Variants in POLA1 observed in about 807,000 individuals in gnomAD.
POLA1 encodes the protein DNA polymerase alpha catalytic subunit.
Under a neutral mutation model 124.0 loss-of-function variants are expected in POLA1, and 15 were observed. That is an observed-to-expected ratio of 0.12 (90% CI 0.08 to 0.19). The LOEUF (loss-of-function observed/expected upper bound fraction) is 0.19, where lower values mean the gene tolerates loss of function less well. Ranked by LOEUF, POLA1 falls within the 10% of genes least tolerant of loss-of-function variation. POLA1 has a pLI of 1.00. For synonymous variants in POLA1, 408 were observed against 389.4 expected (o/e 1.05, Z -0.56); for missense variants, 886 against 1,103.4 (o/e 0.80, Z 2.79).
At chrX:24,796,255 T>C (rs1157840117) in intron 26 of POLA1, among the ~76,000 whole-genome samples, 3 of 111,405 alleles carry the variant, frequency 2.7e-5, no homozygotes, top group Non-Finnish European at 5.7e-5. Context: ...AGCCACAGCT[T>C]GTAGTTTTGG....
intron 36 of POLA1, among the ~76,000 whole-genome samples, chrX:24,963,888 G>A (rs2048194859): frequency 8.9e-6 from 1 of 111,823 alleles, no homozygotes; most frequent in Non-Finnish European, 1.9e-5. Context: ...TGGCAGCGTA[G>A]AAGTTGTTTT....
At chrX:24,733,867 A>AG (rs781782322) in intron 17 of POLA1, 51 bp downstream of exon 17, 6 of 681,208 alleles carry the variant, frequency 8.8e-6, no homozygotes, top group Non-Finnish European at 1.4e-5. Flanking sequence ...GAGAAAGAAA[A>AG]GGGGGGTGGT....
At chrX:24,949,929 T>C (rs2048013939) in intron 36 of POLA1, among the ~76,000 whole-genome samples, 1 of 109,517 alleles carries the variant, frequency 9.1e-6, no homozygotes, top group African/African-American at 3.3e-5. Context: ...AGACGGGGGA[T>C]CACCATGTTG....
In POLA1 at chrX:24,905,972, G is replaced by T. The variant is rs889336449; in HGVS notation, c.4164+17850G>T. The stretch of plus-strand genomic sequence containing the variant: ...CACAGTGAGACACCACCTTACTGCT[G>T]CAAGGATGGCCATAATTTAAAAGTC... On this transcript the variant is annotated intron_variant, in intron 35 of 36. Coordinates refer to ENST00000379068, the MANE Select transcript of POLA1 (RefSeq NM_001330360.2). 8.9e-5 allele frequency among the ~76,000 whole-genome samples: 10 copies of T among 112,260 alleles called. No homozygotes were observed. The Admixed American group carries it at 9.4e-4, about 11-fold the overall frequency.
intron 35 of POLA1, among the ~76,000 whole-genome samples, chrX:24,923,177 A>G (rs1382053037): frequency 9.0e-6 from 1 of 111,653 alleles, no homozygotes; most frequent in African/African-American, 3.3e-5. Context: ...TGTACATTCT[A>G]TATAATCTTC....
chrX:24,981,446 A>G (rs2048419181), intron 36 of POLA1, among the ~76,000 whole-genome samples: 1 of 112,422 alleles, frequency 8.9e-6, no homozygotes, highest in South Asian at 3.7e-4. Flanking sequence ...CAAAGCTCCC[A>G]ATGCCGTCAT....
At chrX:24,828,418 C>T (rs1330610329) in intron 32 of POLA1, among the ~76,000 whole-genome samples, 1 of 111,802 alleles carries the variant, frequency 8.9e-6, no homozygotes, top group Non-Finnish European at 1.9e-5. Context: ...ATCTTAACTA[C>T]TGTGCTAAAC....
intron 36 of POLA1, among the ~76,000 whole-genome samples, chrX:24,959,049 C>T (rs1477455417): frequency 2.7e-5 from 3 of 111,718 alleles, no homozygotes; most frequent in Non-Finnish European, 3.8e-5. Context: ...TTCCTTGTTC[C>T]CCACTAGCTG....
chrX:24,883,384 T>G (rs775349340), intron 34 of POLA1, among the ~76,000 whole-genome samples: 1 of 112,481 alleles, frequency 8.9e-6, no homozygotes, highest in East Asian at 2.8e-4. Context: ...GATTTCTGTG[T>G]GTATAGCCTT....
chrX:24,894,050 T>C (rs893819186), intron 35 of POLA1, among the ~76,000 whole-genome samples: 26 of 111,677 alleles, frequency 2.3e-4, no homozygotes, highest in African/African-American at 8.5e-4. Context: ...TCCTGAGTGT[T>C]CCCTTCTAGA....
At chrX:24,801,099 T>C (rs1442597688) in intron 26 of POLA1, among the ~76,000 whole-genome samples, 3 of 112,423 alleles carry the variant, frequency 2.7e-5, no homozygotes, top group East Asian at 2.8e-4. Flanking sequence ...GGTACACTTA[T>C]AGTCAAGTTT....
At chrX:24,718,971 C>T (rs185468674) in intron 10 of POLA1, among the ~76,000 whole-genome samples, 72 of 112,036 alleles carry the variant, frequency 6.4e-4, no homozygotes, top group African/African-American at 2.1e-3. Context: ...ACAAAAAGCC[C>T]GGAGGCTGTT....
intron 26 of POLA1, chrX:24,788,941 G>C (rs1569310972): frequency 8.3e-7 from 1 of 1,206,671 alleles, no homozygotes; most frequent in Admixed American, 2.2e-5. Flanking sequence ...CAGGCAGTGG[G>C]CTGGACACGG....
intron 19 of POLA1, among the ~76,000 whole-genome samples, chrX:24,738,354 G>A (rs1333680840): frequency 9.0e-6 from 1 of 111,587 alleles, no homozygotes; most frequent in African/African-American, 3.3e-5. Context: ...AGCCCTTAGG[G>A]CAAGGTTGCA....
chrX:24,725,890 TTGA>T, intron 12 of POLA1, 88 bp from the exon 13 acceptor site: 1 of 579,408 alleles, frequency 1.7e-6, no homozygotes, highest in Non-Finnish European at 2.8e-6. Flanking sequence ...ATAAGGATTC[TTGA>T]TGATTAAATA....
At chrX:24,991,882 A>G (rs752053691) in intron 36 of POLA1, among the ~76,000 whole-genome samples, 6 of 112,764 alleles carry the variant, frequency 5.3e-5, no homozygotes, top group Admixed American at 1.9e-4. Context: ...ATGTGATTTA[A>G]TGGGTGAGAA....
At chrX:24,779,379 G>A (rs2045214439) in intron 26 of POLA1, among the ~76,000 whole-genome samples, 1 of 112,380 alleles carries the variant, frequency 8.9e-6, no homozygotes, top group African/African-American at 3.2e-5. Flanking sequence ...GCCCGGCCTA[G>A]ACATTGATTT....
chrX:24,978,019 T>C (rs1421751374), intron 36 of POLA1, among the ~76,000 whole-genome samples: 2 of 112,136 alleles, frequency 1.8e-5, no homozygotes, highest in African/African-American at 3.2e-5. Context: ...GTTTTTCTGC[T>C]CGCTAGCTTT....
intron 10 of POLA1, among the ~76,000 whole-genome samples, chrX:24,719,752 C>T (rs1930087918): frequency 8.9e-6 from 1 of 111,937 alleles, no homozygotes; most frequent in Non-Finnish European, 1.9e-5. Context: ...CCCATCAAAA[C>T]CAGAAACCTG....
Sources: gnomAD v4.1 joint callset for allele counts (sites outside exome capture counted in the v4.1 genomes callset) on GRCh38, gnomAD v4.1.1 for gene constraint, MANE v1.5 for transcripts, NCBI Gene and HGNC (gene_info 2026-07-23, HGNC 2026-07-21) for gene names.